Variants in RABGAP1L observed in about 807,000 individuals in gnomAD.
The protein encoded by RABGAP1L is rab GTPase-activating protein 1-like.
Under a neutral mutation model 137.7 loss-of-function variants are expected in RABGAP1L, and 63 were observed. That is an observed-to-expected ratio of 0.46 (90% confidence interval 0.37 to 0.56). RABGAP1L has a LOEUF of 0.56. RABGAP1L is among the 20% of genes least tolerant of loss of function. RABGAP1L has a pLI of 0.00. For synonymous variants in RABGAP1L, 431 were observed against 433.7 expected, an observed-to-expected ratio of 0.99 and a Z score of 0.08; for missense variants, 1,095 against 1,244.0, an observed-to-expected ratio of 0.88 and a Z score of 1.80.
chr1:174,548,125 C>T (rs1666171104), intron 13 of RABGAP1L: 1 of 1,516,170 alleles, frequency 6.6e-7, no homozygotes, highest in Non-Finnish European at 8.8e-7. Flanking sequence ...TTAGAAGCAA[C>T]TTTATGGATC....
At chr1:174,831,221 T>C (rs1156514987) in intron 19 of RABGAP1L, among the ~76,000 whole-genome samples, 1 of 148,338 alleles carries the variant, frequency 6.7e-6, no homozygotes, top group Non-Finnish European at 1.5e-5. Context: ...ACATGAACAC[T>C]TTCTTAAGAA....
chr1:174,942,937 C>T (rs2149297281), intron 19 of RABGAP1L, among the ~76,000 whole-genome samples: 1 of 152,300 alleles, frequency 6.6e-6, no homozygotes, highest in Non-Finnish European at 1.5e-5. Context: ...AAAGCAGAAA[C>T]TATCTTCTTT....
rs887048844 is a variant in RABGAP1L, at chr1:174,631,846, C to T, written c.1711-5529C>T. Among the ~76,000 whole-genome samples the T allele has an allele frequency of 4.6e-5, 7 of 150,928 alleles. 1 individual carries two copies. Among genetic ancestry groups the T allele is most frequent in the Non-Finnish European group, 7.4e-5 (5 of 67,736 alleles). On this transcript the variant is annotated intron_variant, in intron 13 of 25. Transcript: ENST00000681986. Reference sequence around the variant, plus strand: ...CACTGATGGGTCCTGACTCTTTATCCAATTTGCCAGTCTGTGTCTTTTAAT... The same window carrying T: ...CACTGATGGGTCCTGACTCTTTATCTAATTTGCCAGTCTGTGTCTTTTAAT...
At chr1:174,657,050 G>A (rs577996834) in intron 14 of RABGAP1L, among the ~76,000 whole-genome samples, 1 of 152,270 alleles carries the variant, frequency 6.6e-6, no homozygotes, top group African/African-American at 2.4e-5. Context: ...TAAGTTCTCA[G>A]AAATATATCT....
intron 11 of RABGAP1L, among the ~76,000 whole-genome samples, chr1:174,323,775 C>G (rs1396480419): frequency 6.6e-6 from 1 of 152,036 alleles, no homozygotes; most frequent in East Asian, 1.9e-4. Flanking sequence ...CAACTGGAAA[C>G]CAAAATATTC....
chr1:174,522,676 G>A (rs1191915144), intron 13 of RABGAP1L, among the ~76,000 whole-genome samples: 1 of 152,204 alleles, frequency 6.6e-6, no homozygotes, highest in Non-Finnish European at 1.5e-5. Flanking sequence ...TGAACAGGAA[G>A]CATGATGCTG....
At chr1:174,542,515 C>G (rs980227019) in intron 13 of RABGAP1L, among the ~76,000 whole-genome samples, 2 of 151,826 alleles carry the variant, frequency 1.3e-5, no homozygotes, top group Non-Finnish European at 2.9e-5. Flanking sequence ...TAGTGGTCTA[C>G]CAATTTTGTT....
intron 13 of RABGAP1L, among the ~76,000 whole-genome samples, chr1:174,609,919 T>A (rs929606244): frequency 6.6e-6 from 1 of 151,970 alleles, no homozygotes; most frequent in Non-Finnish European, 1.5e-5. Context: ...ATAGTAGGAT[T>A]TTCCATTTCT....
chr1:174,917,409 G>A (rs756685318), intron 19 of RABGAP1L, among the ~76,000 whole-genome samples: 4 of 152,102 alleles, frequency 2.6e-5, no homozygotes, highest in Non-Finnish European at 4.4e-5. Context: ...CAAACATTGA[G>A]GACTTACATT....
chr1:174,166,187 G>T (rs1195593793), intron 1 of RABGAP1L, among the ~76,000 whole-genome samples: 1 of 152,120 alleles, frequency 6.6e-6, no homozygotes, highest in Non-Finnish European at 1.5e-5. Context: ...AATCCTAAAA[G>T]TGTTGGAAAG....
chr1:174,690,050 T>C (rs995449592), intron 15 of RABGAP1L, among the ~76,000 whole-genome samples: 3 of 152,208 alleles, frequency 2.0e-5, no homozygotes, highest in African/African-American at 7.2e-5. Context: ...TTGAGCCATT[T>C]TCCAACATCT....
intron 18 of RABGAP1L, among the ~76,000 whole-genome samples, chr1:174,766,035 A>G (rs1046205303): frequency 2.0e-5 from 3 of 152,170 alleles, no homozygotes; most frequent in African/African-American, 4.8e-5. Context: ...AGTTAAAATG[A>G]GCTCATTAGG....
chr1:174,575,704 A>G (rs1668320470), intron 13 of RABGAP1L, among the ~76,000 whole-genome samples: 1 of 152,186 alleles, frequency 6.6e-6, no homozygotes, highest in African/African-American at 2.4e-5. Context: ...TAAATGGTTT[A>G]TTGTATTTAT....
chr1:174,477,327 T>C (rs1006154257), intron 13 of RABGAP1L, among the ~76,000 whole-genome samples: 2 of 152,224 alleles, frequency 1.3e-5, no homozygotes, highest in Non-Finnish European at 2.9e-5. Flanking sequence ...TCTTAGCATC[T>C]TGGAGTTGTT....
intron 15 of RABGAP1L, 105 bp from the exon 16 acceptor site, chr1:174,699,420 G>A: frequency 5.0e-6 from 5 of 1,006,500 alleles, no homozygotes; most frequent in Non-Finnish European, 5.6e-6. Flanking sequence ...ATTTGCTCCA[G>A]GCCTTCAGCT....
intron 14 of RABGAP1L, among the ~76,000 whole-genome samples, chr1:174,673,630 T>G (rs1330744561): frequency 2.0e-5 from 3 of 152,174 alleles, no homozygotes; most frequent in African/African-American, 7.2e-5. Context: ...ACAATTTTTT[T>G]TATTTTTCAG....
chr1:174,254,096 T>A (rs12083540), intron 7 of RABGAP1L, among the ~76,000 whole-genome samples: 44,580 of 150,764 alleles, frequency 0.3, 6,967 homozygotes, highest in African/African-American at 0.38. Flanking sequence ...AGTTATCTGC[T>A]GTTTTTTTTT....
chr1:174,736,862 G>C (rs1255339425), intron 17 of RABGAP1L, among the ~76,000 whole-genome samples: 4 of 152,228 alleles, frequency 2.6e-5, no homozygotes, highest in Non-Finnish European at 5.9e-5. Flanking sequence ...ACTGGAGCCA[G>C]AACAGCTGGG....
At position 174,547,817 on chromosome 1, in the gene RABGAP1L, A is replaced by G. The variant is rs753423199; in HGVS notation, c.1711-89558A>G. On this transcript the variant is annotated intron_variant, in intron 13 of 25. Transcript: ENST00000681986. ...TATTACATAGTATTTGAAAATAATC[A>G]TATTTATTTTGTCTTTTAGCAACAG... is the stretch of plus-strand genomic sequence containing the variant. The G allele has an allele frequency of 4.7e-6, 7 of 1,487,172 alleles. No homozygotes were observed. The East Asian group carries it at 7.4e-5, about 16-fold the overall frequency. 92.1% of individuals were successfully genotyped at this position (1,487,172 alleles called of 1,614,324 possible). A position where few individuals can be genotyped will look rare whatever the true frequency, so the allele number is the denominator to read the frequency against.
Sources: allele counts gnomAD v4.1 joint callset (sites outside exome capture counted in the v4.1 genomes callset), GRCh38; gene constraint gnomAD v4.1.1; transcripts MANE v1.5; gene names NCBI Gene and HGNC (gene_info 2026-07-23, HGNC 2026-07-21).